BMX: variants seen among roughly 807,000 people sequenced by gnomAD.
The protein encoded by BMX is cytoplasmic tyrosine-protein kinase BMX.
A neutral mutation model predicts 59.2 loss-of-function variants in BMX; 31 were observed. The observed-to-expected ratio is 0.52, with a 90% CI of 0.39 to 0.71. The LOEUF (loss-of-function observed/expected upper bound fraction) is 0.71, where lower values mean the gene tolerates loss of function less well. BMX is among the 30% of genes least tolerant of loss of function. The pLI is 0.00. For synonymous variants in BMX, 185 were observed against 181.0 expected (o/e 1.02, Z -0.18); for missense variants, 474 against 491.7 (o/e 0.96, Z 0.34).
chrX:15,541,042 GAAA>G (rs34730726), intron 14 of BMX, among the ~76,000 whole-genome samples: 3 of 91,876 alleles, frequency 3.3e-5, no homozygotes, highest in African/African-American at 3.9e-5. Context: ...CTCACAAATG[GAAA>G]AAAAAAAAAA....
chrX:15,525,068 C>T lies in BMX; in HGVS notation c.753-220C>T, dbSNP rs16979956. 7.0e-4 allele frequency among the ~76,000 whole-genome samples: 79 copies of T among 112,131 alleles called. 1 individual carries two copies. In the East Asian group the frequency reaches 0.02, roughly 28 times the overall value. On this transcript the variant is annotated intron_variant, in intron 7 of 18. Coordinates refer to ENST00000348343, the MANE Select transcript of BMX (RefSeq NM_203281.3). ...ATTATGAGCCATTATTAACAATTTT[C>T]TTTTGTTTAGAAGTGTTGCCAGACT... is the stretch of plus-strand genomic sequence containing the variant.
chrX:15,510,496 C>T (rs1299264111), intron 3 of BMX, among the ~76,000 whole-genome samples: 7 of 110,908 alleles, frequency 6.3e-5, no homozygotes, highest in Non-Finnish European at 1.3e-4. Context: ...GGCAACATAG[C>T]GAGACCTCAT....
In BMX at chrX:15,531,418, T is replaced by C. The variant is rs183609999; in HGVS notation, c.1019+11T>C. 8.3e-5 allele frequency: 96 copies of C among 1,158,669 alleles called. No individual in the cohort carries two copies. Among genetic ancestry groups the C allele is most frequent in the Middle Eastern group, 2.4e-4 (1 of 4,180 alleles). The stretch of plus-strand genomic sequence containing the variant: ...TAGTAAGGCTGTGAAGTAAGTATGA[T>C]ACGGATTAATTTCTTTTCTCTTTCT... On this transcript the variant is annotated intron_variant, in intron 11 of 18. Transcript: ENST00000348343.
intron 18 of BMX, among the ~76,000 whole-genome samples, chrX:15,553,296 C>G (rs1433488987): frequency 9.0e-6 from 1 of 111,386 alleles, no homozygotes; most frequent in Non-Finnish European, 1.9e-5. Flanking sequence ...GCTGATGAGC[C>G]CCCGCTTTTT....
chrX:15,554,791 T>G (rs1926350912), intron 18 of BMX, among the ~76,000 whole-genome samples: 1 of 111,755 alleles, frequency 8.9e-6, no homozygotes, highest in Non-Finnish European at 1.9e-5. Flanking sequence ...GGCAGCCCTA[T>G]TTATTAAAAG....
intron 10 of BMX, 88 bp downstream of exon 10, chrX:15,530,115 C>T (rs1427222561): frequency 1.1e-6 from 1 of 903,765 alleles, no homozygotes; most frequent in Non-Finnish European, 1.6e-6. Flanking sequence ...AGAAACCTTC[C>T]TGCTAATTAT....
intron 8 of BMX, 135 bp from the exon 9 acceptor site, chrX:15,525,907 C>A (rs1924698183): frequency 1.9e-6 from 1 of 518,220 alleles, no homozygotes; most frequent in Non-Finnish European, 3.1e-6. Flanking sequence ...TTGCCAGGTG[C>A]AGAAGGAGAA....
Position 15,542,043 on chromosome X carries a change from T to C in BMX, c.1456T>C (p.Tyr486His), listed in dbSNP as rs1601661677. Residue 486 changes from tyrosine to histidine, a missense_variant, in exon 15 of 19, where the codon TAC becomes CAC. By Grantham distance (83) the Tyr-to-His change is moderately conservative (BLOSUM62 2). Coordinates refer to ENST00000348343, the MANE Select transcript of BMX (RefSeq NM_203281.3). ...AGTGTGTTCAAAGGAATACCCCATA[T>C]ACATAGTGACTGAATATATAAGCAA... ...YGVCSKEYPIYIVTEYISNGC... is the reference protein window; with the variant it reads ...YGVCSKEYPIHIVTEYISNGC... 2.5e-6 allele frequency: 3 copies of C among 1,211,226 alleles called. No individual in the cohort carries two copies. The Middle Eastern group carries it at 7.3e-4, about 297-fold the overall frequency.
chrX:15,532,649 C>G (rs2147126552), intron 11 of BMX, among the ~76,000 whole-genome samples: 1 of 112,170 alleles, frequency 8.9e-6, no homozygotes, highest in East Asian at 2.8e-4. Flanking sequence ...GTGCCCTACC[C>G]CACAGTGCAT....
intron 4 of BMX, among the ~76,000 whole-genome samples, chrX:15,513,095 A>G (rs1006751695): frequency 8.9e-6 from 1 of 112,410 alleles, no homozygotes; most frequent in African/African-American, 3.2e-5. Flanking sequence ...TCAGTTAGTG[A>G]TGTTTTGGGC....
chrX:15,510,548 G>A (rs1480829127), intron 3 of BMX, among the ~76,000 whole-genome samples: 1 of 110,774 alleles, frequency 9.0e-6, no homozygotes, highest in African/African-American at 3.3e-5. Flanking sequence ...TTACCCAATT[G>A]GGGGAAACCA....
At chrX:15,505,037 C>T (rs1165407119) in intron 1 of BMX, among the ~76,000 whole-genome samples, 2 of 112,371 alleles carry the variant, frequency 1.8e-5, no homozygotes, top group Non-Finnish European at 3.8e-5. Context: ...AGTTGTTGGA[C>T]AGGCATTTGA....
chrX:15,533,319 A>AT (rs1925173682), intron 11 of BMX, among the ~76,000 whole-genome samples: 1 of 111,369 alleles, frequency 9.0e-6, no homozygotes, highest in Non-Finnish European at 1.9e-5. Context: ...TTCAATAGTT[A>AT]TTTTTTCTGC....
chrX:15,501,010 T>C lies in BMX; in HGVS notation c.-10+70T>C, dbSNP rs1207035251. The stretch of plus-strand genomic sequence containing the variant: ...GGAAAATAGGTTTGGTTCCCGGTGT[T>C]GTGGGGCCTGAAGTTACAAACTTTG... On this transcript the variant is annotated intron_variant, in intron 1 of 18. Coordinates refer to ENST00000348343, the MANE Select transcript of BMX (RefSeq NM_203281.3). 3 of 728,967 alleles carry C rather than the reference T, an allele frequency of 4.1e-6. No individual in the cohort carries two copies. In the African/African-American group the frequency reaches 7.0e-5, roughly 17 times the overall value. 60.1% of individuals were successfully genotyped at this position (728,967 alleles called of 1,213,427 possible). A position where few individuals can be genotyped will look rare whatever the true frequency, so the allele number is the denominator to read the frequency against.
chrX:15,523,250 T>A (rs1271797279), intron 7 of BMX, among the ~76,000 whole-genome samples: 4 of 111,980 alleles, frequency 3.6e-5, no homozygotes, highest in Non-Finnish European at 7.5e-5. Context: ...CTCCTTCCTA[T>A]CATGTTGTCT....
intron 7 of BMX, among the ~76,000 whole-genome samples, chrX:15,524,869 GA>G: frequency 8.9e-6 from 1 of 112,205 alleles, no homozygotes; most frequent in East Asian, 2.8e-4. Flanking sequence ...TCTGTGTCCA[GA>G]AGGAGTAAAA....
intron 9 of BMX, among the ~76,000 whole-genome samples, chrX:15,527,273 TATATATATATACACAC>T (rs1924820547): frequency 2.5e-5 from 1 of 40,519 alleles, no homozygotes; most frequent in African/African-American, 1.0e-4. Flanking sequence ...TATATATATA[TATATATATATACACAC>T]ACACACACAC....
Position 15,501,700 on chromosome X carries a change from T to C in BMX, c.-10+760T>C, listed in dbSNP as rs188932454. Among the ~76,000 whole-genome samples the C allele has an allele frequency of 3.7e-3, 420 of 112,107 alleles. 1 individual carries two copies. Among genetic ancestry groups the C allele is most frequent in the African/African-American group, 0.013 (400 of 30,805 alleles). On this transcript the variant is annotated intron_variant, in intron 1 of 18. Transcript: ENST00000348343. ...GCATGTCTAATGATCGCCCGGATGA[T>C]GCAAGTGCACGGACCACACTTTGAG...
chrX:15,545,412 T>G (rs763546539), intron 16 of BMX, among the ~76,000 whole-genome samples: 65 of 112,724 alleles, frequency 5.8e-4, no homozygotes, highest in African/African-American at 2.1e-3. Flanking sequence ...TCTCCCCTGA[T>G]TCTTCCCTTG....
Sources: gnomAD v4.1 joint callset for allele counts (sites outside exome capture counted in the v4.1 genomes callset) on GRCh38, gnomAD v4.1.1 for gene constraint, MANE v1.5 for transcripts, NCBI Gene and HGNC (gene_info 2026-07-23, HGNC 2026-07-21) for gene names.